The following TTC9 variants were observed in gnomAD, a reference collection of about 807,000 sequenced individuals.
The protein encoded by TTC9 is tetratricopeptide repeat protein 9A.
TTC9 carries 13 observed loss-of-function variants against 22.9 expected under a neutral mutation model. The ratio of observed to expected loss-of-function variants is 0.57; its 90% CI spans 0.37 to 0.90. TTC9 has a LOEUF of 0.90. Among genes scored for constraint, TTC9 ranks in the 40% least tolerant of loss-of-function variants. The pLI, the probability that TTC9 is intolerant of heterozygous loss-of-function variation, is 0.01. For synonymous variants in TTC9, 148 were observed against 133.2 expected, an observed-to-expected ratio of 1.11 and a Z score of -0.77; for missense variants, 280 against 291.8, an observed-to-expected ratio of 0.96 and a Z score of 0.29.
intron 2 of TTC9, among the ~76,000 whole-genome samples, chr14:70,668,007 C>T (rs887285429): frequency 1.3e-5 from 2 of 152,170 alleles, no homozygotes; most frequent in Non-Finnish European, 2.9e-5. Flanking sequence ...GAATCCAGCT[C>T]TCTTCACTTA....
At chr14:70,653,598 GT>G (rs1259607868) in intron 1 of TTC9, among the ~76,000 whole-genome samples, 1 of 152,212 alleles carries the variant, frequency 6.6e-6, no homozygotes, top group Non-Finnish European at 1.5e-5. Flanking sequence ...CTTAGAAACT[GT>G]GGGTTCTAGG....
intron 1 of TTC9, among the ~76,000 whole-genome samples, chr14:70,665,354 C>T (rs1050830067): frequency 1.3e-5 from 2 of 152,010 alleles, no homozygotes; most frequent in African/African-American, 4.8e-5. Context: ...AGAAACCCCT[C>T]TCTCTCTCTG....
chr14:70,661,834 C>G (rs1275992071), intron 1 of TTC9, among the ~76,000 whole-genome samples: 3 of 152,178 alleles, frequency 2.0e-5, no homozygotes, highest in African/African-American at 7.2e-5. Flanking sequence ...TTCGTAAGAT[C>G]ACACCCTAAC....
At chr14:70,650,390 G>C (rs949687471) in intron 1 of TTC9, among the ~76,000 whole-genome samples, 2 of 151,374 alleles carry the variant, frequency 1.3e-5, no homozygotes, top group Non-Finnish European at 2.9e-5. Flanking sequence ...ACCACTGCAC[G>C]CCAGCCTGGG....
chr14:70,662,236 C>T (rs1207268990), intron 1 of TTC9, among the ~76,000 whole-genome samples: 1 of 152,140 alleles, frequency 6.6e-6, no homozygotes, highest in Non-Finnish European at 1.5e-5. Flanking sequence ...CCAAGTATAT[C>T]CACAGAGTCC....
chr14:70,663,580 C>G (rs1228079471), intron 1 of TTC9, among the ~76,000 whole-genome samples: 3 of 152,184 alleles, frequency 2.0e-5, no homozygotes, highest in African/African-American at 7.2e-5. Flanking sequence ...TACTTTAGAT[C>G]AAGGTAAGGC....
At chr14:70,665,976 T>C (rs754423498) in intron 1 of TTC9, among the ~76,000 whole-genome samples, 1 of 152,140 alleles carries the variant, frequency 6.6e-6, no homozygotes, top group Non-Finnish European at 1.5e-5. Context: ...CCTAAGTCTC[T>C]GTTTTTATTT....
rs546751312 is a variant in TTC9 at position 70,673,612 on chromosome 14, C to T, written c.*2457C>T. 3 of 120,016 alleles carry T rather than the reference C, an allele frequency of 2.5e-5. No individual in the cohort carries two copies. The highest frequency in any genetic ancestry group is 9.5e-5 in the African/African-American group (3 of 31,460). The allele number at this position is 120,016 out of a possible 1,614,324, so 7.4% of individuals were successfully genotyped here. ...CCATTCCCAAGCCTCCAACTTAGAACGTTTGTGATTTGGCAGATGGTTTGT... is the reference window on the plus strand; with the variant it reads ...CCATTCCCAAGCCTCCAACTTAGAATGTTTGTGATTTGGCAGATGGTTTGT... On this transcript the variant is annotated 3_prime_UTR_variant, in exon 3 of 3. Transcript: ENST00000256367.
At chr14:70,660,012 C>T (rs1886122416) in intron 1 of TTC9, among the ~76,000 whole-genome samples, 1 of 152,190 alleles carries the variant, frequency 6.6e-6, no homozygotes, top group African/African-American at 2.4e-5. Context: ...AGTGCCTGGC[C>T]CATTCATGCT....
chr14:70,660,353 C>G (rs1048349487), intron 1 of TTC9, among the ~76,000 whole-genome samples: 1 of 152,202 alleles, frequency 6.6e-6, no homozygotes, highest in Non-Finnish European at 1.5e-5. Flanking sequence ...AGAAAATCTA[C>G]TTTAAATTAC....
intron 2 of TTC9, among the ~76,000 whole-genome samples, chr14:70,670,535 G>A (rs554323290): frequency 1.6e-4 from 24 of 152,160 alleles, no homozygotes; most frequent in African/African-American, 5.3e-4. Context: ...GGATGTGTCT[G>A]TAATCCCAGC....
chr14:70,655,131 C>T (rs542769621), intron 1 of TTC9, among the ~76,000 whole-genome samples: 11 of 152,304 alleles, frequency 7.2e-5, no homozygotes, highest in Admixed American at 2.6e-4. Flanking sequence ...CAGTGGCTCC[C>T]GCCTGTAATC....
At chr14:70,658,641 CA>C (rs58811146) in intron 1 of TTC9, among the ~76,000 whole-genome samples, 17 of 149,528 alleles carry the variant, frequency 1.1e-4, no homozygotes, top group South Asian at 8.6e-4. Flanking sequence ...AAAGCATCTG[CA>C]AAAAAAAACT....
Position 70,652,254 on chromosome 14 carries a change from A to G in TTC9, c.406+9719A>G, listed in dbSNP as rs576357027. ...CTCTCTTTTATTCCAGCTTACTGGT[A>G]TGTGCTGACAGTAAGTATTAAATGA... On this transcript the variant is annotated intron_variant, in intron 1 of 2. Transcript: ENST00000256367. Among the ~76,000 whole-genome samples, 117 of 152,344 alleles carry G rather than the reference A, an allele frequency of 7.7e-4. 1 individual carries two copies. Among genetic ancestry groups the G allele is most frequent in the African/African-American group, 2.5e-3 (102 of 41,578 alleles).
chr14:70,652,335 C>T (rs762237679), intron 1 of TTC9, among the ~76,000 whole-genome samples: 23 of 152,134 alleles, frequency 1.5e-4, no homozygotes, highest in Non-Finnish European at 2.1e-4. Flanking sequence ...ACCAAATGGA[C>T]GTCAAAGCCT....
chr14:70,643,963 C>T (rs1468255360), intron 1 of TTC9, among the ~76,000 whole-genome samples: 1 of 152,192 alleles, frequency 6.6e-6, no homozygotes, highest in Non-Finnish European at 1.5e-5. Context: ...CAAAAATGGA[C>T]TCTTTCAATC....
intron 1 of TTC9, among the ~76,000 whole-genome samples, chr14:70,654,312 C>A (rs147720244): frequency 6.6e-6 from 1 of 151,882 alleles, no homozygotes; most frequent in African/African-American, 2.4e-5. Context: ...AGTTTCTGCC[C>A]GGGAGTGGTG....
chr14:70,655,595 G>T (rs1218136827), intron 1 of TTC9, among the ~76,000 whole-genome samples: 1 of 152,086 alleles, frequency 6.6e-6, no homozygotes, highest in African/African-American at 2.4e-5. Flanking sequence ...GAAACAAGGG[G>T]TTGTTCTCAC....
At chr14:70,662,119 T>C (rs1205237) in intron 1 of TTC9, among the ~76,000 whole-genome samples, 143,215 of 152,262 alleles carry the variant, frequency 0.94, 67,448 homozygotes, top group Non-Finnish European at 0.97. Context: ...GTTAATAATA[T>C]TTCTTTCAAT....
Sources: gnomAD v4.1 joint callset for allele counts (sites outside exome capture counted in the v4.1 genomes callset) on GRCh38, gnomAD v4.1.1 for gene constraint, MANE v1.5 for transcripts, NCBI Gene and HGNC (gene_info 2026-07-23, HGNC 2026-07-21) for gene names.